The following EVA1A variants were observed in gnomAD, a reference collection of about 807,000 sequenced individuals.
EVA1A encodes eva-1 homolog A, regulator of programmed cell death.
In EVA1A, 7 loss-of-function variants were observed where a neutral mutation model predicts 9.8. The observed-to-expected ratio is 0.71, with a 90% CI of 0.41 to 1.34. The LOEUF is 1.34. Among genes scored for constraint, EVA1A ranks in the 40% most tolerant of loss-of-function variants. EVA1A has a pLI of 0.01. For missense variants in EVA1A, 206 were observed against 205.9 expected, an observed-to-expected ratio of 1.00 and a Z score of 0.00; for synonymous variants, 90 against 85.6, an observed-to-expected ratio of 1.05 and a Z score of -0.28.
chr2:75,529,488 T>C (rs1675569608), intron 1 of EVA1A, among the ~76,000 whole-genome samples: 1 of 152,190 alleles, frequency 6.6e-6, no homozygotes, highest in Non-Finnish European at 1.5e-5. Context: ...AGATAGACCA[T>C]ATGATAGACC....
intron 3 of EVA1A, among the ~76,000 whole-genome samples, chr2:75,500,842 AAATT>A (rs1230646646): frequency 1.3e-5 from 2 of 151,290 alleles, no homozygotes; most frequent in African/African-American, 4.9e-5. Flanking sequence ...TTCTTGCCAT[AAATT>A]AATTAATCTC....
At chr2:75,562,161 CT>C (rs1676939112), upstream of EVA1A, among the ~76,000 whole-genome samples, 1 of 152,218 alleles carries the variant, frequency 6.6e-6, no homozygotes, top group Non-Finnish European at 1.5e-5. Context: ...GAAGCACTGG[CT>C]GCTAGACCAC....
At chr2:75,513,087 C>G (rs1459506669) in intron 3 of EVA1A, among the ~76,000 whole-genome samples, 4 of 152,142 alleles carry the variant, frequency 2.6e-5, no homozygotes, top group African/African-American at 9.7e-5. Context: ...AGCCATTTGG[C>G]AGCCATGAGA....
intron 1 of EVA1A, among the ~76,000 whole-genome samples, chr2:75,559,708 C>CG (rs1328153509): frequency 5.1e-4 from 18 of 35,390 alleles, no homozygotes; most frequent in African/African-American, 1.1e-3. Flanking sequence ...GGGGGGGGGG[C>CG]GGGGGAGTTG....
intron 1 of EVA1A, among the ~76,000 whole-genome samples, chr2:75,556,971 A>T (rs1377280587): frequency 6.6e-6 from 1 of 152,186 alleles, no homozygotes; most frequent in Non-Finnish European, 1.5e-5. Context: ...TTGGATGTCA[A>T]TGGATAGGAG....
chr2:75,536,014 C>T (rs1030451916), intron 1 of EVA1A, among the ~76,000 whole-genome samples: 19 of 152,288 alleles, frequency 1.2e-4, no homozygotes, highest in South Asian at 4.1e-4. Flanking sequence ...TTTTCTCAGG[C>T]GTGGGCCACC....
At chr2:75,525,737 T>C (rs1220837593) in intron 1 of EVA1A, among the ~76,000 whole-genome samples, 1 of 152,082 alleles carries the variant, frequency 6.6e-6, no homozygotes, top group Non-Finnish European at 1.5e-5. Context: ...TCAAGAAAAA[T>C]CTTTGTCTTG....
chr2:75,551,535 T>G (rs910344160), intron 1 of EVA1A, among the ~76,000 whole-genome samples: 1 of 152,202 alleles, frequency 6.6e-6, no homozygotes, highest in Non-Finnish European at 1.5e-5. Context: ...CTGGGTTCTC[T>G]CCTTCCTTCC....
intron 3 of EVA1A, among the ~76,000 whole-genome samples, chr2:75,507,714 A>G (rs1284197867): frequency 6.6e-6 from 1 of 152,140 alleles, no homozygotes; most frequent in East Asian, 1.9e-4. Flanking sequence ...GGCCCTTCAG[A>G]ATTGTCTTGA....
intron 3 of EVA1A, among the ~76,000 whole-genome samples, chr2:75,497,988 G>A (rs1225215695): frequency 6.6e-6 from 1 of 151,722 alleles, no homozygotes; most frequent in Non-Finnish European, 1.5e-5. Flanking sequence ...ATATCTAAAG[G>A]AAAATAAATC....
chr2:75,569,698 T>C (rs1279044365), exon 1 of EVA1A: 1 of 152,280 alleles, frequency 6.6e-6, no homozygotes, highest in Non-Finnish European at 1.5e-5. Context: ...TCAACCTTTT[T>C]GCAGTTTCAC....
chr2:75,534,570 C>A (rs1675808764), intron 1 of EVA1A, among the ~76,000 whole-genome samples: 2 of 151,474 alleles, frequency 1.3e-5, no homozygotes, highest in African/African-American at 2.4e-5. Context: ...CAAACATCAG[C>A]CCTAACATCT....
At position 75,493,398 on chromosome 2, in the gene EVA1A, T is replaced by G. The variant is rs778586262; in HGVS notation, c.297A>C (p.Arg99Ser). Residue 99 changes from arginine to serine, a missense_variant, in exon 4 of 4, where the codon AGA becomes AGC. Arg to Ser is a moderately radical substitution (Grantham distance 110). Coordinates refer to ENST00000393913, the MANE Select transcript of EVA1A (RefSeq NM_001135032.2). Reference sequence around the variant, plus strand: ...TCAAAGTCCTCTCGAAGCGGCGGTGTCTCCGCACGGAGAGATCGGACACGG... The same window carrying G: ...TCAAAGTCCTCTCGAAGCGGCGGTGGCTCCGCACGGAGAGATCGGACACGG... ...EDTVSDLSVRRHRRFERTLNK... is the reference protein window; with the variant it reads ...EDTVSDLSVRSHRRFERTLNK... 6.2e-7 allele frequency: 1 copy of G among 1,614,234 alleles called. No individual in the cohort carries two copies. The highest frequency in any genetic ancestry group is 8.5e-7 in the Non-Finnish European group (1 of 1,180,044).
intron 3 of EVA1A, among the ~76,000 whole-genome samples, chr2:75,515,511 C>A (rs189670895): frequency 1.1e-4 from 16 of 152,252 alleles, no homozygotes; most frequent in Non-Finnish European, 2.4e-4. Context: ...TAGATTAGAA[C>A]TGGAAAGTAA....
At chr2:75,555,492 T>G (rs531501693) in intron 1 of EVA1A, among the ~76,000 whole-genome samples, 1 of 152,064 alleles carries the variant, frequency 6.6e-6, no homozygotes, top group African/African-American at 2.4e-5. Flanking sequence ...GCTAGGACTT[T>G]GAAAAGAAAA....
chr2:75,534,502 T>TAAAA lies in EVA1A; in HGVS notation c.-191-12019_-191-12016dup, dbSNP rs56043076. Among the ~76,000 whole-genome samples the TAAAA allele has an allele frequency of 5.9e-3, 879 of 148,654 alleles. 8 individuals are homozygous for TAAAA. Among genetic ancestry groups the TAAAA allele is most frequent in the African/African-American group, 0.02 (803 of 40,102 alleles). On this transcript the variant is annotated intron_variant, in intron 1 of 3. Transcript: ENST00000393913. ...AATTCTAAAACAATGTTCAAGTAAC[T>TAAAA]AAAAAAAGAAAACAGAGGAACAAAC... is the stretch of plus-strand genomic sequence containing the variant.
At chr2:75,494,999 T>C (rs1454536696) in intron 3 of EVA1A, among the ~76,000 whole-genome samples, 1 of 152,010 alleles carries the variant, frequency 6.6e-6, no homozygotes, top group African/African-American at 2.4e-5. Flanking sequence ...AGTGAACAGT[T>C]TTCATTCTAG....
Position 75,555,195 on chromosome 2 carries a change from G to A in EVA1A, c.-192+5485C>T, listed in dbSNP as rs185650895. Reference sequence around the variant, plus strand: ...ATGGCTTTGGGCTCAAAGAAAGACTGCAAATGGGAATGCAATTCCCAGGAA... The same window carrying A: ...ATGGCTTTGGGCTCAAAGAAAGACTACAAATGGGAATGCAATTCCCAGGAA... On this transcript the variant is annotated intron_variant, in intron 1 of 3. Transcript: ENST00000393913. 8.3e-4 allele frequency among the ~76,000 whole-genome samples: 126 copies of A among 152,248 alleles called. 1 individual carries two copies. The highest frequency in any genetic ancestry group is 2.8e-3 in the African/African-American group (118 of 41,552).
intron 1 of EVA1A, among the ~76,000 whole-genome samples, chr2:75,529,897 G>A (rs1675582769): frequency 6.6e-6 from 1 of 151,880 alleles, no homozygotes; most frequent in Admixed American, 6.6e-5. Context: ...AACAAGGATC[G>A]CAACAGAACT....
Sources: gnomAD v4.1 joint callset for allele counts (sites outside exome capture counted in the v4.1 genomes callset) on GRCh38, gnomAD v4.1.1 for gene constraint, MANE v1.5 for transcripts, NCBI Gene and HGNC (gene_info 2026-07-23, HGNC 2026-07-21) for gene names.